The following SHPRH variants were observed in gnomAD, a reference collection of about 807,000 sequenced individuals.
SHPRH encodes SNF2 histone linker PHD RING helicase, also known as E3 ubiquitin-protein ligase SHPRH.
A neutral mutation model predicts 202.5 loss-of-function variants in SHPRH; 106 were observed. The observed-to-expected ratio is 0.52, with a 90% CI of 0.45 to 0.62. The LOEUF (loss-of-function observed/expected upper bound fraction) is 0.62. Among genes scored for constraint, SHPRH ranks in the 20% least tolerant of loss-of-function variants. SHPRH has a pLI of 0.00. For synonymous variants in SHPRH, 729 were observed against 686.0 expected (o/e 1.06, Z -0.98); for missense variants, 1,710 against 2,020.0 (o/e 0.85, Z 2.94).
In SHPRH at chr6:145,888,021, T is replaced by C. The variant is rs1781238528; in HGVS notation, c.4954A>G (p.Ser1652Gly). 6.2e-7 allele frequency: 1 copy of C among 1,609,748 alleles called. No individual in the cohort carries two copies. Among genetic ancestry groups the C allele is most frequent in the African/African-American group, 1.3e-5 (1 of 74,910 alleles). ...TACTTGTGGTAAATTATTACCTACC[T>C]TCTCTCAGCAGTTTTCAGCATTGCC... ...MQAMLKTAER[S>G]HTNSSAKHSE... The change falls in exon 29 of 30, where the codon AGT becomes GGT. Residue 1652 changes from serine (S) to glycine (G), a missense_variant and splice_region_variant. By Grantham distance (56) the Ser-to-Gly change is moderately conservative. Transcript: ENST00000275233.
Position 145,886,338 on chromosome 6 carries a change from T to C in SHPRH, c.*353A>G. 1.6e-6 allele frequency: 1 copy of C among 615,686 alleles called. No individual in the cohort carries two copies. Among genetic ancestry groups the C allele is most frequent in the Non-Finnish European group, 3.0e-6 (1 of 335,366 alleles). The allele number at this position is 615,686 out of a possible 1,614,324, so 38.1% of individuals were successfully genotyped here. On this transcript the variant is annotated 3_prime_UTR_variant, in exon 30 of 30. Transcript: ENST00000275233. ...TTCAATATACCAGGTCATATAAAAC[T>C]AGACTAGTTTACTTTCTTATTCCAA...
chr6:145,872,537 G>T (rs572981426), intron 2 of SHPRH, among the ~76,000 whole-genome samples: 11 of 152,168 alleles, frequency 7.2e-5, no homozygotes, highest in Admixed American at 5.9e-4. Flanking sequence ...GTCAAAAAAT[G>T]ACAGATGCTG....
intron 1 of SHPRH, among the ~76,000 whole-genome samples, chr6:145,956,142 A>G (rs905131147): frequency 6.6e-6 from 1 of 152,162 alleles, no homozygotes; most frequent in African/African-American, 2.4e-5. Context: ...CAAAGACTGA[A>G]AAAACAATAA....
chr6:145,879,237 C>T (rs1011651351), intron 2 of SHPRH, among the ~76,000 whole-genome samples: 2 of 152,016 alleles, frequency 1.3e-5, no homozygotes, highest in African/African-American at 4.8e-5. Flanking sequence ...GCCTCTTGTA[C>T]TGAAGTCATT....
intron 15 of SHPRH, among the ~76,000 whole-genome samples, chr6:145,926,830 C>T (rs75648855): frequency 0.01 from 1,566 of 152,010 alleles, 10 homozygotes; most frequent in Non-Finnish European, 0.015. Context: ...GATTTTATTG[C>T]TTAGTTCCTT....
At chr6:145,923,840 G>A in intron 17 of SHPRH, 55 bp from the exon 18 acceptor site, 6 of 1,565,112 alleles carry the variant, frequency 3.8e-6, no homozygotes, top group Non-Finnish European at 5.2e-6. Context: ...TACTCACTAA[G>A]CTTCCATCAC....
At chr6:145,889,370 G>A (rs907383361) in intron 28 of SHPRH, among the ~76,000 whole-genome samples, 5 of 152,062 alleles carry the variant, frequency 3.3e-5, no homozygotes, top group Non-Finnish European at 7.4e-5. Context: ...ATGGAGGTAG[G>A]ATGTATCAGA....
At position 145,923,529 on chromosome 6, in the gene SHPRH, G is replaced by A. The variant is rs1784608637; in HGVS notation, c.3545+114C>T. 9.9e-6 allele frequency: 13 copies of A among 1,314,182 alleles called. No homozygotes were observed. The South Asian group carries it at 1.8e-4, about 18-fold the overall frequency. 81.4% of individuals were successfully genotyped at this position (1,314,182 alleles called of 1,614,324 possible). A position where few individuals can be genotyped will look rare whatever the true frequency, so the allele number is the denominator to read the frequency against. On this transcript the variant is annotated intron_variant, in intron 18 of 29. Transcript: ENST00000275233. Reference sequence around the variant, plus strand: ...AAGAAGTATGAATGTGTCTGTATAGGTTTATGAATGGAGAAAAAAAGCCGG... The same window carrying A: ...AAGAAGTATGAATGTGTCTGTATAGATTTATGAATGGAGAAAAAAAGCCGG...
Position 145,954,630 on chromosome 6 carries a change from T to C in SHPRH, c.633+60A>G, listed in dbSNP as rs1025447076. 84 of 1,502,730 alleles carry C rather than the reference T, an allele frequency of 5.6e-5. No homozygotes were observed. In the East Asian group the frequency reaches 1.7e-3, roughly 31 times the overall value. The allele number at this position is 1,502,730 out of a possible 1,614,324, so 93.1% of individuals were successfully genotyped here. On this transcript the variant is annotated intron_variant, in intron 2 of 29. Transcript: ENST00000275233. ...TTTCAGACTTCTCTCACAAGTTAATTTAAAATTGGACTGCCAATGTAGAAG... is the reference window on the plus strand; with the variant it reads ...TTTCAGACTTCTCTCACAAGTTAATCTAAAATTGGACTGCCAATGTAGAAG...
At chr6:145,948,187 AAGTTACAGATATGCTAACAATCTC>A in intron 5 of SHPRH, 61 bp downstream of exon 5, 1 of 1,000,270 alleles carries the variant, frequency 1.0e-6, no homozygotes, top group Non-Finnish European at 1.5e-6. Flanking sequence ...GGTAGAGTCA[AAGTTACAGATATGCTAACAATCTC>A]AGACAGTTTT....
chr6:145,870,091 A>G (rs893665002), intron 2 of SHPRH, among the ~76,000 whole-genome samples: 11 of 151,478 alleles, frequency 7.3e-5, no homozygotes, highest in South Asian at 2.1e-4. Flanking sequence ...TAAGTATTTC[A>G]TTTTTGGGGG....
At chr6:145,874,463 C>T (rs1780209199) in intron 2 of SHPRH, among the ~76,000 whole-genome samples, 1 of 151,942 alleles carries the variant, frequency 6.6e-6, no homozygotes, top group African/African-American at 2.4e-5. Context: ...TTAATGACAG[C>T]ATTTTTTTTT....
In SHPRH at chr6:145,938,828, A is replaced by C. The variant is rs559094920; in HGVS notation, c.2569+1895T>G. Among the ~76,000 whole-genome samples the C allele has an allele frequency of 2.0e-5, 3 of 152,346 alleles. No individual in the cohort carries two copies. The South Asian group carries it at 6.2e-4, about 32-fold the overall frequency. On this transcript the variant is annotated intron_variant, in intron 11 of 29. Transcript: ENST00000275233. ...TGCTTTCTATATTATACAAATGAAT[A>C]CATTATGTAGACATAGGGTGTGGCG...
chr6:145,887,461 A>G (rs997452371), intron 29 of SHPRH, among the ~76,000 whole-genome samples: 2 of 152,044 alleles, frequency 1.3e-5, no homozygotes, highest in African/African-American at 4.8e-5. Flanking sequence ...AGCTTTTAAA[A>G]TTAAGACTGG....
At chr6:145,896,368 G>A (rs1337340452) in intron 25 of SHPRH, among the ~76,000 whole-genome samples, 2 of 151,978 alleles carry the variant, frequency 1.3e-5, no homozygotes, top group Non-Finnish European at 2.9e-5. Context: ...TCCTTGCAAG[G>A]TCTTACTTTT....
At chr6:145,887,452 G>A (rs1434074517) in intron 29 of SHPRH, among the ~76,000 whole-genome samples, 1 of 151,406 alleles carries the variant, frequency 6.6e-6, no homozygotes, top group African/African-American at 2.4e-5. Flanking sequence ...CCAGAGTCAA[G>A]CTTTTAAAAT....
chr6:145,932,368 T>C (rs1318600327), intron 14 of SHPRH, among the ~76,000 whole-genome samples: 3 of 152,166 alleles, frequency 2.0e-5, no homozygotes, highest in African/African-American at 7.2e-5. Context: ...TTGTAAGATA[T>C]TAGACCTAAT....
chr6:145,871,661 AC>A (rs1780061188), intron 2 of SHPRH, among the ~76,000 whole-genome samples: 1 of 152,232 alleles, frequency 6.6e-6, no homozygotes, highest in African/African-American at 2.4e-5. Flanking sequence ...CCATTAAATT[AC>A]CACTGACATT....
chr6:145,887,730 T>C (rs185131995), intron 29 of SHPRH, among the ~76,000 whole-genome samples: 15 of 152,222 alleles, frequency 9.9e-5, no homozygotes, highest in African/African-American at 3.6e-4. Flanking sequence ...AGATGGGGTT[T>C]CACCATGTTG....
Sources: gnomAD v4.1 joint callset for allele counts (sites outside exome capture counted in the v4.1 genomes callset) on GRCh38, gnomAD v4.1.1 for gene constraint, MANE v1.5 for transcripts, NCBI Gene and HGNC (gene_info 2026-07-23, HGNC 2026-07-21) for gene names.